The following TARDBP variants were observed in gnomAD, a reference collection of about 807,000 sequenced individuals.
TARDBP encodes TAR DNA binding protein.
Under a neutral mutation model 38.3 loss-of-function variants are expected in TARDBP, and 4 were observed. That is an observed-to-expected ratio of 0.10 (90% CI 0.05 to 0.24). The LOEUF (loss-of-function observed/expected upper bound fraction) is 0.24. TARDBP is among the 10% of genes least tolerant of loss of function. The pLI, the probability that TARDBP is intolerant of heterozygous loss-of-function variation, is 1.00. For synonymous variants in TARDBP, 184 were observed against 183.8 expected, an observed-to-expected ratio of 1.00 and a Z score of -0.01; for missense variants, 202 against 521.9, an observed-to-expected ratio of 0.39 and a Z score of 5.97.
downstream of TARDBP, among the ~76,000 whole-genome samples, chr1:11,029,427 A>G (rs945026409): frequency 7.9e-5 from 12 of 151,490 alleles, no homozygotes; most frequent in Admixed American, 2.0e-4. Flanking sequence ...ATTCTACTCA[A>G]CTATTATCTT....
chr1:11,019,694 G>A (rs1396679979), intron 4 of TARDBP, among the ~76,000 whole-genome samples: 1 of 151,884 alleles, frequency 6.6e-6, no homozygotes, highest in Admixed American at 6.6e-5. Context: ...AGCCTGCCGA[G>A]TAGCTGGGAC....
chr1:11,020,153 C>A (rs910336508), intron 4 of TARDBP, among the ~76,000 whole-genome samples: 1 of 152,156 alleles, frequency 6.6e-6, no homozygotes, highest in Non-Finnish European at 1.5e-5. Flanking sequence ...AGCCACCACA[C>A]CTGGCCACGA....
intron 3 of TARDBP, chr1:11,018,531 T>G (rs1570719090): frequency 2.9e-6 from 2 of 682,554 alleles, no homozygotes; most frequent in East Asian, 5.5e-5. Context: ...TTCTGTTGTA[T>G]AAGTGAGTTT....
downstream of TARDBP, chr1:11,027,380 A>G: frequency 6.2e-7 from 1 of 1,614,232 alleles, no homozygotes; most frequent in Non-Finnish European, 8.5e-7. Context: ...CATGAGTATA[A>G]CCTTCATGTA....
intron 5 of TARDBP, 124 bp from the exon 6 acceptor site, chr1:11,022,000 G>A (rs926664866): frequency 9.8e-6 from 11 of 1,128,114 alleles, no homozygotes; most frequent in African/African-American, 1.5e-5. Context: ...TGAAATGAGT[G>A]TTCATTGCTT....
At chr1:11,015,540 C>T (rs1442666974) in intron 2 of TARDBP, 1 of 150,012 alleles carries the variant, frequency 6.7e-6, no homozygotes, top group Non-Finnish European at 1.5e-5. Context: ...CATGGTGGCT[C>T]ACATCTGTAA....
chr1:11,019,866 C>CTT (rs1288372949), intron 4 of TARDBP, among the ~76,000 whole-genome samples: 96 of 131,308 alleles, frequency 7.3e-4, no homozygotes, highest in African/African-American at 2.5e-3. Flanking sequence ...GCACCTGGCC[C>CTT]TTTTTTTTTT....
chr1:11,029,951 A>G, downstream of TARDBP: 1 of 393,686 alleles, frequency 2.5e-6, no homozygotes, highest in East Asian at 4.2e-5. Flanking sequence ...ATGCTTGCCT[A>G]GTTATAAGGT....
In TARDBP at chr1:11,020,195, T is replaced by C. The variant is rs549150778; in HGVS notation, c.544-234T>C. Among the ~76,000 whole-genome samples the C allele has an allele frequency of 3.3e-4, 51 of 152,280 alleles. 1 individual carries two copies. The South Asian group carries it at 8.9e-3, about 27-fold the overall frequency. ...AATTGTGTAATGGCTCATGATGTAT[T>C]TATATCCATCATTATGTGATGCATG... On this transcript the variant is annotated intron_variant, in intron 4 of 5. Coordinates refer to ENST00000240185, the MANE Select transcript of TARDBP (RefSeq NM_007375.4).
At chr1:11,019,257 C>T (rs1643588037) in intron 4 of TARDBP, 2 of 314,376 alleles carry the variant, frequency 6.4e-6, no homozygotes, top group African/African-American at 4.4e-5. Context: ...TTATTTGGAA[C>T]ATCATCATCT....
intron 3 of TARDBP, among the ~76,000 whole-genome samples, chr1:11,017,880 T>C (rs1365955710): frequency 9.6e-6 from 1 of 104,452 alleles, no homozygotes; most frequent in Non-Finnish European, 2.0e-5. Flanking sequence ...AGACTCAGTT[T>C]CTCTTTTTTC....
chr1:11,018,832 A>G lies in TARDBP; in HGVS notation c.502A>G (p.Ile168Val), dbSNP rs1384286623. The G allele has an allele frequency of 6.2e-7, 1 of 1,614,084 alleles. No individual in the cohort carries two copies. The highest frequency in any genetic ancestry group is 8.5e-7 in the Non-Finnish European group (1 of 1,180,044). ...QVKVMSQRHM[I>V]DGRWCDCKLP... ...GAAAGTAATGTCACAGCGACATATG[A>G]TAGATGGACGATGGTGTGACTGCAA... The change falls in exon 4 of 6, where the codon ATA becomes GTA. Residue 168 changes from isoleucine (I) to valine (V), a missense_variant. Ile to Val is a conservative substitution (Grantham distance 29, BLOSUM62 3). Coordinates refer to ENST00000240185, the MANE Select transcript of TARDBP (RefSeq NM_007375.4).
rs1439567484 is a variant in TARDBP at position 11,020,413 on chromosome 1, CT to C, written c.544-12del. 5 of 1,613,164 alleles carry C rather than the reference CT, an allele frequency of 3.1e-6. No individual in the cohort carries two copies. The African/African-American group carries it at 5.4e-5, about 17-fold the overall frequency. ...AACATATTTCTGAGTTTTTTTCTTC[CT>C]TTTGATTTGATCAGCAAAGCCAAGA... On this transcript the variant is annotated splice_polypyrimidine_tract_variant and intron_variant, in intron 4 of 5. Transcript: ENST00000240185.
rs80356719 is a variant in TARDBP at position 11,022,268 on chromosome 1, G to A, written c.859G>A (p.Gly287Ser). The A allele has an allele frequency of 3.3e-5, 54 of 1,613,822 alleles. No homozygotes were observed. The highest frequency in any genetic ancestry group is 4.3e-5 in the Non-Finnish European group (51 of 1,179,878). Residue 287 changes from glycine to serine, a missense_variant, in exon 6 of 6, where the codon GGT (glycine) becomes AGT (serine). This residue lies in a region of TARDBP where 107 missense variants were observed against 190.5 expected (regional missense o/e 0.56). Transcript: ENST00000240185. This position sits in a 1 kb window ranked among gnomAD's most constrained non-coding sequence, Gnocchi z 4.5. ...GGNPGGFGNQGGFGNSRGGGA... is the reference protein window; with the variant it reads ...GGNPGGFGNQSGFGNSRGGGA... ...TAATCCAGGTGGCTTTGGGAATCAG[G>A]GTGGATTTGGTAATAGCAGAGGGGG...
chr1:11,018,685 T>G (rs745930824), intron 3 of TARDBP, 48 bp from the exon 4 acceptor site: 1 of 1,613,428 alleles, frequency 6.2e-7, no homozygotes, highest in South Asian at 1.1e-5. Context: ...GGGAATGGAG[T>G]GTGTGAGTAT....
chr1:11,026,691 T>C, downstream of TARDBP: 1 of 424,678 alleles, frequency 2.4e-6, no homozygotes. Flanking sequence ...TATGTCCCCT[T>C]GAGTCAATGG....
At position 11,020,409 on chromosome 1, in the gene TARDBP, C is replaced by G. The variant is rs1263208982; in HGVS notation, c.544-20C>G. Reference sequence around the variant, plus strand: ...TCATAACATATTTCTGAGTTTTTTTCTTCCTTTTGATTTGATCAGCAAAGC... The same window carrying G: ...TCATAACATATTTCTGAGTTTTTTTGTTCCTTTTGATTTGATCAGCAAAGC... On this transcript the variant is annotated intron_variant, in intron 4 of 5. Coordinates refer to ENST00000240185, the MANE Select transcript of TARDBP (RefSeq NM_007375.4). 4 of 1,613,194 alleles carry G rather than the reference C, an allele frequency of 2.5e-6. No homozygotes were observed. In the South Asian group the frequency reaches 4.4e-5, roughly 18 times the overall value.
Position 11,020,690 on chromosome 1 carries a change from G to A in TARDBP, c.714+91G>A, listed in dbSNP as rs376324639. The A allele has an allele frequency of 3.6e-6, 5 of 1,371,076 alleles. No homozygotes were observed. In the South Asian group the frequency reaches 4.7e-5, roughly 13 times the overall value. The allele number at this position is 1,371,076 out of a possible 1,614,324, so 84.9% of individuals were successfully genotyped here. A position where few individuals can be genotyped will look rare whatever the true frequency, so the allele number is the denominator to read the frequency against. ...TTGGAGGCCGAGGCGGGTGGATCACGAGGTCAGGAGATCAAGACCATCCTG... is the reference window on the plus strand; with the variant it reads ...TTGGAGGCCGAGGCGGGTGGATCACAAGGTCAGGAGATCAAGACCATCCTG... On this transcript the variant is annotated intron_variant, in intron 5 of 5. Transcript: ENST00000240185.
At chr1:11,025,874 G>A (rs1299109445), downstream of TARDBP, 2 of 154,062 alleles carry the variant, frequency 1.3e-5, no homozygotes, top group Non-Finnish European at 1.5e-5. Context: ...GAATGATTTT[G>A]TTGTTGTTGA....
Sources: gnomAD v4.1 joint callset for allele counts (sites outside exome capture counted in the v4.1 genomes callset) on GRCh38, gnomAD v4.1.1 for gene constraint, gnomAD v4.1.1 regional missense constraint, Gnocchi (gnomAD v3.1) non-coding constraint, MANE v1.5 for transcripts, NCBI Gene and HGNC (gene_info 2026-07-23, HGNC 2026-07-21) for gene names.